Variants in CD2 observed in about 807,000 individuals in gnomAD.
CD2 encodes the protein T-cell surface antigen CD2.
A neutral mutation model predicts 23.2 loss-of-function variants in CD2; 18 were observed. The ratio of observed to expected loss-of-function variants is 0.77; its 90% CI spans 0.54 to 1.15. The LOEUF (loss-of-function observed/expected upper bound fraction) is 1.15. Among genes scored for constraint, CD2 ranks in the 50% most tolerant of loss-of-function variants. The pLI is 0.00. For missense variants in CD2, 424 were observed against 423.1 expected, an observed-to-expected ratio of 1.00 and a Z score of -0.02; for synonymous variants, 162 against 151.9, an observed-to-expected ratio of 1.07 and a Z score of -0.49.
chr1:116,758,108 A>G (rs1651918593), intron 2 of CD2, among the ~76,000 whole-genome samples: 1 of 151,710 alleles, frequency 6.6e-6, no homozygotes, highest in Non-Finnish European at 1.5e-5. Flanking sequence ...TAAATAGAAA[A>G]TATCTGCTAA....
chr1:116,764,514 G>T lies in CD2; in HGVS notation c.644G>T (p.Gly215Val). ...GGTCTGGACATCTATCTCATCATTG[G>T]CATATGTGGAGGAGGCAGCCTCTTG... Reference protein sequence around the residue: ...EKGLDIYLIIGICGGGSLLMV... With the variant: ...EKGLDIYLIIVICGGGSLLMV... Residue 215 changes from glycine (G) to valine (V), a missense_variant, in exon 4 of 5, where the codon GGC (glycine) becomes GTC (valine). By Grantham distance (109) the Gly-to-Val change is moderately radical. Coordinates refer to ENST00000369478, the MANE Select transcript of CD2 (RefSeq NM_001767.5). 6.2e-7 allele frequency: 1 copy of T among 1,614,042 alleles called. No individual in the cohort carries two copies. Among genetic ancestry groups the T allele is most frequent in the African/African-American group, 1.3e-5 (1 of 75,002 alleles).
At chr1:116,754,601 G>C (rs931745930) in intron 1 of CD2, 30 bp from the exon 2 acceptor site, 3 of 1,608,726 alleles carry the variant, frequency 1.9e-6, no homozygotes, top group Non-Finnish European at 2.5e-6. Context: ...CCCTGAAAGT[G>C]ACTCTCAGTA....
intron 4 of CD2, among the ~76,000 whole-genome samples, chr1:116,765,772 T>A (rs1652199340): frequency 6.6e-6 from 1 of 152,248 alleles, no homozygotes; most frequent in African/African-American, 2.4e-5. Context: ...AGACCATATC[T>A]TCTTCCAAGG....
intron 3 of CD2, among the ~76,000 whole-genome samples, chr1:116,764,251 TTC>T (rs1652144042): frequency 6.6e-6 from 1 of 152,066 alleles, no homozygotes; most frequent in Non-Finnish European, 1.5e-5. Flanking sequence ...AATCAGGCAT[TTC>T]TAGCCCCTGA....
chr1:116,767,780 C>T (rs992349186), intron 4 of CD2, among the ~76,000 whole-genome samples: 1 of 152,066 alleles, frequency 6.6e-6, no homozygotes, highest in Non-Finnish European at 1.5e-5. Context: ...TCACAGATTC[C>T]CTGTGATTTT....
At chr1:116,761,887 G>A (rs965046291) in intron 3 of CD2, among the ~76,000 whole-genome samples, 1 of 152,174 alleles carries the variant, frequency 6.6e-6, no homozygotes, top group African/African-American at 2.4e-5. Flanking sequence ...CTGGAGTGTG[G>A]TAGTATGATC....
Position 116,754,679 on chromosome 1 carries a change from T to C in CD2, c.110T>C (p.Leu37Ser), listed in dbSNP as rs775203706. The change falls in exon 2 of 5, where the codon TTG becomes TCG. Residue 37 changes from leucine (L) to serine (S), a missense_variant. Physicochemically the swap from Leu to Ser is moderately radical, Grantham distance 145. Transcript: ENST00000369478. ...ITNALETWGA[L>S]GQDINLDIPS... ...AATGCCTTGGAAACCTGGGGTGCCT[T>C]GGGTCAGGACATCAACTTGGACATT... is the stretch of plus-strand genomic sequence containing the variant. 6.2e-7 allele frequency: 1 copy of C among 1,609,974 alleles called. No individual in the cohort carries two copies. The highest frequency in any genetic ancestry group is 8.5e-7 in the Non-Finnish European group (1 of 1,178,990).
chr1:116,768,604 C>T lies in CD2; in HGVS notation c.877C>T (p.Pro293Ser), dbSNP rs775679910. Residue 293 changes from proline (P) to serine (S), a missense_variant, in exon 5 of 5, where the codon CCT (proline) becomes TCT (serine). Pro to Ser is a moderately conservative substitution (Grantham distance 74). Transcript: ENST00000369478. ...PPPPGHRSQAPSHRPPPPGHR... is the reference protein window; with the variant it reads ...PPPPGHRSQASSHRPPPPGHR... ...ACCACCTGGTCATCGTTCCCAGGCA[C>T]CTAGTCATCGTCCCCCGCCTCCTGG... The T allele has an allele frequency of 1.2e-6, 2 of 1,614,084 alleles. No individual in the cohort carries two copies. Among genetic ancestry groups the T allele is most frequent in the Non-Finnish European group, 1.7e-6 (2 of 1,180,026 alleles).
Position 116,754,956 on chromosome 1 carries a change from G to T in CD2, c.382+5G>T. 6.4e-7 allele frequency: 1 copy of T among 1,569,434 alleles called. No individual in the cohort carries two copies. Among genetic ancestry groups the T allele is most frequent in the Non-Finnish European group, 8.7e-7 (1 of 1,151,158 alleles). On this transcript the variant is annotated splice_donor_5th_base_variant and intron_variant, in intron 2 of 4. Transcript: ENST00000369478. ...TATTTGATTTGAAGATTCAAGGTAAGTGTTCATTCCCTTAATTGCTTTATT... is the reference window on the plus strand; with the variant it reads ...TATTTGATTTGAAGATTCAAGGTAATTGTTCATTCCCTTAATTGCTTTATT...
At chr1:116,764,283 C>T (rs1267346139) in intron 3 of CD2, 4 of 274,726 alleles carry the variant, frequency 1.5e-5, no homozygotes, top group Non-Finnish European at 2.2e-5. Flanking sequence ...CCCAAAGAGC[C>T]TGCAGAGGGA....
At chr1:116,757,604 A>G (rs1460935097) in intron 2 of CD2, among the ~76,000 whole-genome samples, 1 of 152,202 alleles carries the variant, frequency 6.6e-6, no homozygotes, top group Non-Finnish European at 1.5e-5. Flanking sequence ...TAAATTAAGA[A>G]TGCATCCTTT....
chr1:116,762,230 ATT>A (rs2101164251), intron 3 of CD2, among the ~76,000 whole-genome samples: 1 of 152,294 alleles, frequency 6.6e-6, no homozygotes, highest in Admixed American at 6.5e-5. Context: ...GAAATTTTTC[ATT>A]GTTTATCTGA....
At chr1:116,767,622 C>T (rs1652255359) in intron 4 of CD2, among the ~76,000 whole-genome samples, 1 of 151,004 alleles carries the variant, frequency 6.6e-6, no homozygotes, top group African/African-American at 2.4e-5. Context: ...GTAATTATTT[C>T]ACCCCAGGGA....
At chr1:116,768,313 G>A (rs1019935192) in intron 4 of CD2, 151 bp from the exon 5 acceptor site, 2 of 679,962 alleles carry the variant, frequency 2.9e-6, no homozygotes, top group East Asian at 2.7e-5. Flanking sequence ...TCTCCTACAA[G>A]CTTAGAGTTC....
intron 3 of CD2, among the ~76,000 whole-genome samples, chr1:116,762,064 A>T (rs1463593269): frequency 1.3e-5 from 2 of 152,174 alleles, no homozygotes; most frequent in Admixed American, 6.5e-5. Context: ...TCCTGTGCTC[A>T]AACTATCCTC....
chr1:116,764,241 A>G (rs1652143687), intron 3 of CD2, among the ~76,000 whole-genome samples: 2 of 152,112 alleles, frequency 1.3e-5, no homozygotes. Flanking sequence ...GTGCATGAAC[A>G]ATCAGGCATT....
intron 2 of CD2, among the ~76,000 whole-genome samples, chr1:116,758,771 T>G (rs1326699147): frequency 6.6e-6 from 1 of 152,136 alleles, no homozygotes; most frequent in Non-Finnish European, 1.5e-5. Context: ...GTCAAGTGCT[T>G]GCTTACATGA....
At chr1:116,760,320 C>G in intron 2 of CD2, 82 bp from the exon 3 acceptor site, 1 of 1,034,968 alleles carries the variant, frequency 9.7e-7, no homozygotes, top group Admixed American at 2.1e-5. Context: ...CTAACTGACT[C>G]CATCCCCCAC....
chr1:116,755,025 A>G (rs1182940507), intron 2 of CD2, 74 bp downstream of exon 2: 2 of 1,047,216 alleles, frequency 1.9e-6, no homozygotes, highest in Admixed American at 2.3e-5. Flanking sequence ...AGCATTTCTA[A>G]TATTCCCCAG....
Sources: gnomAD v4.1 joint callset for allele counts (sites outside exome capture counted in the v4.1 genomes callset) on GRCh38, gnomAD v4.1.1 for gene constraint, MANE v1.5 for transcripts, NCBI Gene and HGNC (gene_info 2026-07-23, HGNC 2026-07-21) for gene names.